The following ROR1 variants were observed in gnomAD, a reference collection of about 807,000 sequenced individuals.
ROR1 encodes inactive tyrosine-protein kinase transmembrane receptor ROR1.
ROR1 carries 19 observed loss-of-function variants against 78.8 expected under a neutral mutation model. The ratio of observed to expected loss-of-function variants is 0.24; its 90% CI spans 0.17 to 0.35. The LOEUF is 0.35. ROR1 is among the 10% of genes least tolerant of loss of function. The pLI is 1.00. For missense variants in ROR1, 917 were observed against 1,177.8 expected, an observed-to-expected ratio of 0.78 and a Z score of 3.24; for synonymous variants, 386 against 433.6, an observed-to-expected ratio of 0.89 and a Z score of 1.36.
intron 1 of ROR1, among the ~76,000 whole-genome samples, chr1:63,897,395 TC>T (rs1645448932): frequency 6.6e-6 from 1 of 152,160 alleles, no homozygotes; most frequent in African/African-American, 2.4e-5. Context: ...ATGAGACATC[TC>T]CCTATCTGAG....
chr1:63,932,867 C>G (rs966508075), intron 1 of ROR1, among the ~76,000 whole-genome samples: 2 of 152,070 alleles, frequency 1.3e-5, no homozygotes, highest in Non-Finnish European at 2.9e-5. Context: ...AGCTTGAAGA[C>G]TGGAACTGGG....
At chr1:64,099,437 G>A (rs1302077588) in intron 4 of ROR1, among the ~76,000 whole-genome samples, 4 of 152,108 alleles carry the variant, frequency 2.6e-5, no homozygotes, top group African/African-American at 9.7e-5. Context: ...TACTTGTCAC[G>A]GTGGTGTGAG....
intron 4 of ROR1, among the ~76,000 whole-genome samples, chr1:64,075,328 A>G (rs1647040397): frequency 6.6e-6 from 1 of 152,190 alleles, no homozygotes; most frequent in African/African-American, 2.4e-5. Flanking sequence ...GGGGGTTAAG[A>G]TTATCTGCTT....
At chr1:63,861,193 C>T (rs1334279275) in intron 1 of ROR1, among the ~76,000 whole-genome samples, 3 of 152,204 alleles carry the variant, frequency 2.0e-5, no homozygotes, top group African/African-American at 7.2e-5. Flanking sequence ...CGATCCTTCT[C>T]CACCCTTTCC....
chr1:64,137,872 G>C (rs1302724974), intron 5 of ROR1, among the ~76,000 whole-genome samples: 1 of 152,152 alleles, frequency 6.6e-6, no homozygotes, highest in Admixed American at 6.5e-5. Context: ...ACTGAGAGGG[G>C]ATGAATTTAG....
rs574557214 is a variant in ROR1, at chr1:63,836,769, A to G, written c.91+62261A>G. ...CACCCCTGGTTCTTTTGTGACCACTAATGCAATTGACTTTCCATCTTTTTA... is the reference window on the plus strand; with the variant it reads ...CACCCCTGGTTCTTTTGTGACCACTGATGCAATTGACTTTCCATCTTTTTA... On this transcript the variant is annotated intron_variant, in intron 1 of 8. Coordinates refer to ENST00000371079, the MANE Select transcript of ROR1 (RefSeq NM_005012.4). 9.6e-4 allele frequency among the ~76,000 whole-genome samples: 146 copies of G among 152,254 alleles called. 4 individuals carry two copies. The South Asian group carries it at 0.029, about 31-fold the overall frequency.
chr1:64,145,280 G>A (rs1340427418), intron 7 of ROR1, among the ~76,000 whole-genome samples: 1 of 152,112 alleles, frequency 6.6e-6, no homozygotes, highest in Admixed American at 6.6e-5. Flanking sequence ...TAGCACAAAT[G>A]TTATGGAACA....
At chr1:64,144,177 A>G (rs1168426960) in intron 7 of ROR1, among the ~76,000 whole-genome samples, 2 of 152,214 alleles carry the variant, frequency 1.3e-5, no homozygotes, top group African/African-American at 4.8e-5. Context: ...GAGCTTCTCC[A>G]TGGAATTGCC....
At chr1:64,009,399 G>C in intron 2 of ROR1, 23 bp downstream of exon 2, 1 of 1,575,194 alleles carries the variant, frequency 6.3e-7, no homozygotes, top group Non-Finnish European at 8.7e-7. Context: ...GGCACACAGG[G>C]GAGGCGAGGA....
intron 4 of ROR1, among the ~76,000 whole-genome samples, chr1:64,071,067 C>T (rs1017863721): frequency 2.6e-5 from 4 of 152,110 alleles, no homozygotes; most frequent in Non-Finnish European, 5.9e-5. Context: ...GGTTTTGTCA[C>T]GATCATGGAA....
chr1:63,974,639 C>G (rs1044928861), intron 1 of ROR1, among the ~76,000 whole-genome samples: 1 of 150,324 alleles, frequency 6.7e-6, no homozygotes, highest in African/African-American at 2.4e-5. Flanking sequence ...CCTTTTTTTT[C>G]TTTTTTATTG....
chr1:63,983,203 C>T (rs1646223944), intron 1 of ROR1, among the ~76,000 whole-genome samples: 1 of 152,220 alleles, frequency 6.6e-6, no homozygotes, highest in Admixed American at 6.5e-5. Context: ...GATTTTCTCA[C>T]TCTCCCCCTC....
At chr1:63,935,372 C>T (rs150965988) in intron 1 of ROR1, among the ~76,000 whole-genome samples, 23 of 152,292 alleles carry the variant, frequency 1.5e-4, no homozygotes, top group African/African-American at 5.1e-4. Flanking sequence ...GCAGAGGGCA[C>T]AGCCTGTGCC....
Position 64,170,459 on chromosome 1 carries a change from C to T in ROR1, c.1387-6969C>T, listed in dbSNP as rs184309911. On this transcript the variant is annotated intron_variant, in intron 8 of 8. Transcript: ENST00000371079. ...ACCTAGACTGCACACAGCAGAGGGA[C>T]CCTGGTCCCAGCCCACAAAACCATT... Among the ~76,000 whole-genome samples the T allele has an allele frequency of 2.0e-3, 305 of 152,240 alleles. 2 individuals are homozygous for T. The highest frequency in any genetic ancestry group is 7.1e-3 in the African/African-American group (293 of 41,556).
intron 4 of ROR1, among the ~76,000 whole-genome samples, chr1:64,113,119 G>T (rs1007262327): frequency 1.3e-5 from 2 of 152,208 alleles, no homozygotes; most frequent in East Asian, 3.9e-4. Context: ...CCTGCTCTCA[G>T]GTGCCCCTCA....
intron 1 of ROR1, among the ~76,000 whole-genome samples, chr1:63,900,274 T>C (rs949851672): frequency 1.3e-5 from 2 of 151,970 alleles, no homozygotes; most frequent in Admixed American, 6.6e-5. Flanking sequence ...GCCAACATAG[T>C]GAAACCTTGT....
intron 1 of ROR1, among the ~76,000 whole-genome samples, chr1:63,822,644 A>G (rs1283800697): frequency 6.6e-6 from 1 of 152,168 alleles, no homozygotes; most frequent in Non-Finnish European, 1.5e-5. Context: ...CCTCCCACTT[A>G]TCAGTGTTAT....
chr1:63,787,806 A>G (rs576607166), intron 1 of ROR1, among the ~76,000 whole-genome samples: 2 of 152,352 alleles, frequency 1.3e-5, no homozygotes, highest in African/African-American at 4.8e-5. Context: ...GATTACAGGC[A>G]TAAGCCACTG....
intron 1 of ROR1, among the ~76,000 whole-genome samples, chr1:63,943,147 TACTC>T (rs1390687997): frequency 6.7e-6 from 1 of 148,944 alleles, no homozygotes; most frequent in African/African-American, 2.5e-5. Flanking sequence ...GCCTATGAGC[TACTC>T]AGGACATATT....
Sources: allele counts gnomAD v4.1 joint callset (sites outside exome capture counted in the v4.1 genomes callset), GRCh38; gene constraint gnomAD v4.1.1; transcripts MANE v1.5; gene names NCBI Gene and HGNC (gene_info 2026-07-23, HGNC 2026-07-21).